Variants in ADAMTSL1 observed in about 807,000 individuals in gnomAD.
ADAMTSL1 encodes the protein ADAMTS-like protein 1.
ADAMTSL1 carries 126 observed loss-of-function variants against 201.8 expected under a neutral mutation model. The observed-to-expected ratio is 0.62, with a 90% CI of 0.54 to 0.72. The LOEUF is 0.72. Ranked by LOEUF, ADAMTSL1 falls within the 30% of genes least tolerant of loss-of-function variation. ADAMTSL1 has a pLI of 0.00. For synonymous variants in ADAMTSL1, 1,121 were observed against 903.4 expected (o/e 1.24, Z -4.32); for missense variants, 2,679 against 2,277.8 (o/e 1.18, Z -3.59).
Position 18,669,424 on chromosome 9 carries a change from T to C in ADAMTSL1, c.1086-6433T>C, listed in dbSNP as rs140924022. 6.5e-3 allele frequency among the ~76,000 whole-genome samples: 993 copies of C among 152,332 alleles called. 11 individuals carry two copies. Among genetic ancestry groups the C allele is most frequent in the African/African-American group, 0.023 (951 of 41,568 alleles). ...ATTATTAAAACTCTTCAGTATTTAG[T>C]TTATTACAGAAAATGAATTTGTGTC... On this transcript the variant is annotated intron_variant, in intron 9 of 28. Coordinates refer to ENST00000380548, the MANE Select transcript of ADAMTSL1 (RefSeq NM_001040272.6).
At chr9:18,681,600 T>C (rs145718594) in intron 11 of ADAMTSL1, 1 of 369,028 alleles carries the variant, frequency 2.7e-6, no homozygotes, top group East Asian at 4.8e-5. Flanking sequence ...GAATTGAAAG[T>C]GATTTAATTT....
chr9:18,421,218 T>C (rs757625262), intron 2 of ADAMTSL1, among the ~76,000 whole-genome samples: 1 of 152,210 alleles, frequency 6.6e-6, no homozygotes, highest in Non-Finnish European at 1.5e-5. Flanking sequence ...TGACTATTTA[T>C]AATAATCTAC....
chr9:18,063,449 T>C (rs1210382448), intron 1 of ADAMTSL1, among the ~76,000 whole-genome samples: 1 of 152,262 alleles, frequency 6.6e-6, no homozygotes, highest in Non-Finnish European at 1.5e-5. Context: ...TATTCTGAAA[T>C]GAATAACTTA....
chr9:18,661,113 A>G (rs953772962), intron 8 of ADAMTSL1, among the ~76,000 whole-genome samples: 6 of 152,148 alleles, frequency 3.9e-5, no homozygotes, highest in Non-Finnish European at 8.8e-5. Flanking sequence ...TCACCACCCT[A>G]CCAGAAATCC....
At position 18,817,223 on chromosome 9, in the gene ADAMTSL1, A is replaced by C. The variant is rs1020845550; in HGVS notation, c.3920A>C (p.Asn1307Thr). 1.3e-5 allele frequency: 20 copies of C among 1,556,468 alleles called. No individual in the cohort carries two copies. The highest frequency in any genetic ancestry group is 3.3e-4 in the Middle Eastern group (2 of 5,996). Residue 1307 changes from asparagine to threonine, a missense_variant, in exon 21 of 29, where the codon AAC (asparagine) becomes ACC (threonine). Coordinates refer to ENST00000380548, the MANE Select transcript of ADAMTSL1 (RefSeq NM_001040272.6). ...GTGCAGGGAGTGAATGTGACAATCA[A>C]CTGCCAGGTTGCAGGTGAGAAATTA... ...KTVQGVNVTI[N>T]CQVAGVPEAE...
At position 18,910,868 on chromosome 9, in the gene ADAMTSL1, A is replaced by T. The variant is rs991876682; in HGVS notation, c.*2320A>T. 6.6e-6 allele frequency: 1 copy of T among 152,246 alleles called. No homozygotes were observed. The highest frequency in any genetic ancestry group is 2.4e-5 in the African/African-American group (1 of 41,472). 9.4% of individuals were successfully genotyped at this position (152,246 alleles called of 1,614,324 possible). A position where few individuals can be genotyped will look rare whatever the true frequency, so the allele number is the denominator to read the frequency against. On this transcript the variant is annotated 3_prime_UTR_variant, in exon 29 of 29. Coordinates refer to ENST00000380548, the MANE Select transcript of ADAMTSL1 (RefSeq NM_001040272.6). ...ACAAGACAATGAAGGCTGCTGGCTA[A>T]TGTGGAAGGAGGCACTTTCTCCTCT...
In ADAMTSL1 at chr9:18,094,812, C is replaced by T. The variant is rs142969552; in HGVS notation, c.88-69050C>T. On this transcript the variant is annotated intron_variant, in intron 1 of 29. Transcript: ENST00000680146. ...CAATCTCCTGACCTCCTGATCTGCC[C>T]GCCTCAGCCTCCCAAAGTACCTGGA... Among the ~76,000 whole-genome samples the T allele has an allele frequency of 8.4e-3, 1,269 of 151,348 alleles. 15 individuals are homozygous for T. Among genetic ancestry groups the T allele is most frequent in the African/African-American group, 0.026 (1,079 of 41,208 alleles).
In ADAMTSL1 at chr9:18,711,788, G is replaced by A. The variant is rs531823999; in HGVS notation, c.1876+4740G>A. ...CCTGCCTCTGTAGGCTCCACCTCTG[G>A]GGGCAGGGCACAGACAAACAAAAAG... On this transcript the variant is annotated intron_variant, in intron 14 of 28. Transcript: ENST00000380548. 7.4e-3 allele frequency among the ~76,000 whole-genome samples: 1,088 copies of A among 147,876 alleles called. 3 individuals are homozygous for A. The highest frequency in any genetic ancestry group is 0.026 in the African/African-American group (1,035 of 40,482).
chr9:18,068,421 G>A (rs1358878055), intron 1 of ADAMTSL1, among the ~76,000 whole-genome samples: 1 of 152,126 alleles, frequency 6.6e-6, no homozygotes, highest in Non-Finnish European at 1.5e-5. Flanking sequence ...ATCATTTAAT[G>A]TTTACAAGAA....
intron 5 of ADAMTSL1, among the ~76,000 whole-genome samples, chr9:18,633,858 T>C (rs1277174211): frequency 6.6e-6 from 1 of 152,016 alleles, no homozygotes; most frequent in Non-Finnish European, 1.5e-5. Flanking sequence ...TTCTTTTTTC[T>C]CATTCAACAG....
chr9:18,486,404 A>T (rs909788042), intron 1 of ADAMTSL1, among the ~76,000 whole-genome samples: 1 of 152,184 alleles, frequency 6.6e-6, no homozygotes. Flanking sequence ...AGGCTATTTC[A>T]AAAGGGCAAT....
intron 2 of ADAMTSL1, among the ~76,000 whole-genome samples, chr9:18,427,694 T>C (rs112250754): frequency 0.019 from 2,905 of 152,374 alleles, 104 homozygotes; most frequent in African/African-American, 0.067. Flanking sequence ...AGGACCTGCC[T>C]TGAGGCTTGA....
At chr9:18,511,593 AAAAT>A (rs1818027837) in intron 2 of ADAMTSL1, among the ~76,000 whole-genome samples, 1 of 152,160 alleles carries the variant, frequency 6.6e-6, no homozygotes, top group Admixed American at 6.5e-5. Flanking sequence ...CAGAAAAAGT[AAAAT>A]AAATAGCCCC....
At chr9:18,505,773 A>G (rs1419946022) in intron 2 of ADAMTSL1, among the ~76,000 whole-genome samples, 1 of 152,232 alleles carries the variant, frequency 6.6e-6, no homozygotes. Context: ...TATATACTAT[A>G]TTATAAAACG....
rs965287888 is a variant in ADAMTSL1, at chr9:18,839,502, G to A, written c.4249+9525G>A. 1.2e-3 allele frequency among the ~76,000 whole-genome samples: 188 copies of A among 152,184 alleles called. 1 individual carries two copies. The South Asian group carries it at 0.014, about 11-fold the overall frequency. On this transcript the variant is annotated intron_variant, in intron 23 of 28. Transcript: ENST00000380548. ...AGTGCCGCAATAAACATATGTGTGC[G>A]TGTGTCTTTATAGCAGCATGATTTA...
chr9:18,626,311 G>A (rs1826357138), intron 5 of ADAMTSL1, among the ~76,000 whole-genome samples: 1 of 152,202 alleles, frequency 6.6e-6, no homozygotes, highest in Admixed American at 6.5e-5. Flanking sequence ...CACAGGTGAT[G>A]CAGGGGAGCT....
intron 2 of ADAMTSL1, among the ~76,000 whole-genome samples, chr9:18,420,465 C>A (rs1381499188): frequency 6.6e-6 from 1 of 152,174 alleles, no homozygotes; most frequent in African/African-American, 2.4e-5. Flanking sequence ...GTAAGAAAGG[C>A]AGCAAGCCTA....
rs1234044267 is a variant in ADAMTSL1, at chr9:18,038,844, A to G, written c.88-125018A>G. ...GGAAAGCAATTGTTACAGAGAGTCT[A>G]TTGTGTAAACTTTACCAGTACCATA... On this transcript the variant is annotated intron_variant, in intron 1 of 29. Coordinates refer to the ADAMTSL1 transcript ENST00000680146. 3.9e-5 allele frequency among the ~76,000 whole-genome samples: 6 copies of G among 152,222 alleles called. No individual in the cohort carries two copies. The South Asian group carries it at 1.0e-3, about 26-fold the overall frequency.
chr9:18,836,599 A>T (rs1267168668), intron 23 of ADAMTSL1, among the ~76,000 whole-genome samples: 1 of 152,150 alleles, frequency 6.6e-6, no homozygotes, highest in African/African-American at 2.4e-5. Context: ...TTGGTTGCAT[A>T]TGAATTTTAG....
Sources: gnomAD v4.1 joint callset for allele counts (sites outside exome capture counted in the v4.1 genomes callset) on GRCh38, gnomAD v4.1.1 for gene constraint, MANE v1.5 for transcripts, NCBI Gene and HGNC (gene_info 2026-07-23, HGNC 2026-07-21) for gene names.